The following CNTNAP2 variants were observed in gnomAD, a reference collection of about 807,000 sequenced individuals.
CNTNAP2 encodes contactin associated protein 2.
In CNTNAP2, 98 loss-of-function variants were observed where a neutral mutation model predicts 155.2. The ratio of observed to expected loss-of-function variants is 0.63; its 90% CI spans 0.54 to 0.75. The LOEUF (loss-of-function observed/expected upper bound fraction) is 0.75, where lower values mean the gene tolerates loss of function less well. Ranked by LOEUF, CNTNAP2 falls within the 30% of genes least tolerant of loss-of-function variation. The probability of loss-of-function intolerance (pLI) is 0.00; values close to 1 mark genes in which losing one functional copy is unlikely to be tolerated. For synonymous variants in CNTNAP2, 651 were observed against 631.2 expected, an observed-to-expected ratio of 1.03 and a Z score of -0.47; for missense variants, 1,727 against 1,688.1, an observed-to-expected ratio of 1.02 and a Z score of -0.40.
intron 13 of CNTNAP2, among the ~76,000 whole-genome samples, chr7:147,751,396 T>TAAAAAAA (rs59271527): frequency 6.9e-6 from 1 of 144,546 alleles, no homozygotes; most frequent in Non-Finnish European, 1.5e-5. Context: ...TGAATTTAGT[T>TAAAAAAA]AAAAAAAAAA....
At position 147,246,069 on chromosome 7, in the gene CNTNAP2, CAT is replaced by C. The variant is rs779461755; in HGVS notation, c.1349-54060_1349-54059del. On this transcript the variant is annotated intron_variant, in intron 8 of 23. Transcript: ENST00000361727. ...CATATATATATACACATATATATGG[CAT>C]ATATATATATACATATATATGGCAT... Among the ~76,000 whole-genome samples, 223 of 146,358 alleles carry C rather than the reference CAT, an allele frequency of 1.5e-3. 2 individuals carry two copies. Among genetic ancestry groups the C allele is most frequent in the African/African-American group, 4.8e-3 (189 of 39,650 alleles).
chr7:147,209,642 T>C (rs892055364), intron 8 of CNTNAP2, among the ~76,000 whole-genome samples: 1 of 151,908 alleles, frequency 6.6e-6, no homozygotes, highest in African/African-American at 2.4e-5. Context: ...ATGGTGAAAG[T>C]GGGCATCCTC....
intron 8 of CNTNAP2, among the ~76,000 whole-genome samples, chr7:147,155,128 T>A (rs1354679666): frequency 6.6e-6 from 1 of 152,108 alleles, no homozygotes; most frequent in Admixed American, 6.6e-5. Context: ...TATTTGGAGA[T>A]AAGACTTTGC....
chr7:147,907,994 C>T (rs915840078), intron 14 of CNTNAP2, among the ~76,000 whole-genome samples: 1 of 151,520 alleles, frequency 6.6e-6, no homozygotes, highest in Non-Finnish European at 1.5e-5. Context: ...GCCTTGAACT[C>T]CTGACCTCAA....
At chr7:147,108,666 T>C (rs1388091007) in intron 5 of CNTNAP2, among the ~76,000 whole-genome samples, 3 of 152,174 alleles carry the variant, frequency 2.0e-5, no homozygotes, top group African/African-American at 7.2e-5. Context: ...ATTCTTATTT[T>C]AAAACAACTA....
chr7:146,476,389 A>G (rs1198939361), intron 1 of CNTNAP2, among the ~76,000 whole-genome samples: 1 of 152,240 alleles, frequency 6.6e-6, no homozygotes, highest in Non-Finnish European at 1.5e-5. Context: ...TTTTGAAGAT[A>G]CTGCAGAATT....
At chr7:147,661,915 A>G (rs2116954123) in intron 13 of CNTNAP2, among the ~76,000 whole-genome samples, 1 of 152,234 alleles carries the variant, frequency 6.6e-6, no homozygotes, top group African/African-American at 2.4e-5. Context: ...CCTACCTAGT[A>G]GAAACTTTGA....
chr7:147,163,727 T>C (rs1403080345), intron 8 of CNTNAP2, among the ~76,000 whole-genome samples: 1 of 152,216 alleles, frequency 6.6e-6, no homozygotes, highest in African/African-American at 2.4e-5. Context: ...TATAAATAAG[T>C]ATGTACCATA....
chr7:146,881,753 T>TA (rs1272679578), intron 3 of CNTNAP2, among the ~76,000 whole-genome samples: 1 of 69,714 alleles, frequency 1.4e-5, no homozygotes, highest in African/African-American at 5.7e-5. Flanking sequence ...CTGATCCCTA[T>TA]AATTTTTTTT....
chr7:146,978,939 T>G (rs1191442840), intron 3 of CNTNAP2, among the ~76,000 whole-genome samples: 3 of 152,150 alleles, frequency 2.0e-5, no homozygotes, highest in Admixed American at 2.0e-4. Flanking sequence ...AGAGCACTTT[T>G]AAAAGTTTGA....
intron 21 of CNTNAP2, among the ~76,000 whole-genome samples, chr7:148,297,748 G>C (rs995298064): frequency 4.6e-5 from 7 of 152,146 alleles, no homozygotes; most frequent in African/African-American, 1.7e-4. Flanking sequence ...CTGAGAAGGG[G>C]TATGTTGGAT....
chr7:146,122,328 T>TAACA, intron 1 of CNTNAP2, among the ~76,000 whole-genome samples: 1 of 152,334 alleles, frequency 6.6e-6, no homozygotes, highest in African/African-American at 2.4e-5. Flanking sequence ...AGACTCTGTT[T>TAACA]AATTTTAGAA....
chr7:146,477,588 C>G (rs1205933709), intron 1 of CNTNAP2, among the ~76,000 whole-genome samples: 1 of 149,834 alleles, frequency 6.7e-6, no homozygotes, highest in African/African-American at 2.4e-5. Flanking sequence ...TGAGCTTCCT[C>G]TATTCAAAGA....
At chr7:146,309,855 A>AGG (rs1168650292) in intron 1 of CNTNAP2, among the ~76,000 whole-genome samples, 63 of 151,818 alleles carry the variant, frequency 4.1e-4, no homozygotes, top group African/African-American at 1.4e-3. Flanking sequence ...GAAGGAAGGA[A>AGG]AGAAAGAAGG....
In CNTNAP2 at chr7:148,372,794, T is replaced by C. The variant is rs1285209173; in HGVS notation, c.3476-10855T>C. ...TATAGACTTCTTAATGTTTTCAAAC[T>C]TTTTCACTTTTTCATATTTTTGTCT... On this transcript the variant is annotated intron_variant, in intron 21 of 23. Transcript: ENST00000361727. Among the ~76,000 whole-genome samples, 3 of 152,230 alleles carry C rather than the reference T, an allele frequency of 2.0e-5. No homozygotes were observed. In the East Asian group the frequency reaches 5.8e-4, roughly 29 times the overall value.
intron 8 of CNTNAP2, among the ~76,000 whole-genome samples, chr7:147,294,911 C>T (rs767089499): frequency 1.3e-4 from 20 of 152,048 alleles, no homozygotes; most frequent in Non-Finnish European, 2.5e-4. Flanking sequence ...CCACCCGCCT[C>T]GGCCTCCCAT....
intron 15 of CNTNAP2, among the ~76,000 whole-genome samples, chr7:148,112,891 T>C (rs1804384289): frequency 6.6e-6 from 1 of 151,840 alleles, no homozygotes; most frequent in African/African-American, 2.4e-5. Context: ...AGCTGTTTAA[T>C]TGAAAGAGTT....
chr7:146,511,348 G>A (rs188755564), intron 1 of CNTNAP2, among the ~76,000 whole-genome samples: 215 of 152,214 alleles, frequency 1.4e-3, no homozygotes, highest in African/African-American at 4.8e-3. Flanking sequence ...TAGTGAAAGC[G>A]GTTAACCTTG....
chr7:147,763,408 T>C (rs1797337676), intron 13 of CNTNAP2, among the ~76,000 whole-genome samples: 2 of 147,164 alleles, frequency 1.4e-5, no homozygotes, highest in Non-Finnish European at 3.0e-5. Context: ...TACGATACTT[T>C]ACAAATTTTT....
Sources: gnomAD v4.1 joint callset for allele counts (sites outside exome capture counted in the v4.1 genomes callset) on GRCh38, gnomAD v4.1.1 for gene constraint, MANE v1.5 for transcripts, NCBI Gene and HGNC (gene_info 2026-07-23, HGNC 2026-07-21) for gene names.